FCRL5: variants seen among roughly 807,000 people sequenced by gnomAD.
FCRL5 encodes Fc receptor-like protein 5.
A neutral mutation model predicts 92.1 loss-of-function variants in FCRL5; 79 were observed. The ratio of observed to expected loss-of-function variants is 0.86; its 90% CI spans 0.72 to 1.03. The LOEUF is 1.03. FCRL5 is among the 50% of genes least tolerant of loss of function. The probability of loss-of-function intolerance (pLI) is 0.00; values close to 1 mark genes in which losing one functional copy is unlikely to be tolerated. For missense variants in FCRL5, 1,160 were observed against 1,181.1 expected (o/e 0.98, Z 0.26); for synonymous variants, 466 against 469.3 (o/e 0.99, Z 0.09).
chr1:157,543,617 G>T (rs979996581), intron 5 of FCRL5, among the ~76,000 whole-genome samples: 8 of 152,156 alleles, frequency 5.3e-5, no homozygotes, highest in African/African-American at 1.9e-4. Context: ...TGATCACATT[G>T]CCTCCTTATA....
chr1:157,529,592 C>T (rs1055324652), intron 8 of FCRL5, among the ~76,000 whole-genome samples: 9 of 57,510 alleles, frequency 1.6e-4, no homozygotes, highest in South Asian at 1.0e-3. Context: ...GTGATACATA[C>T]GCATGTGTGT....
intron 6 of FCRL5, among the ~76,000 whole-genome samples, chr1:157,541,459 A>C (rs1651257419): frequency 6.6e-6 from 1 of 152,158 alleles, no homozygotes; most frequent in Non-Finnish European, 1.5e-5. Flanking sequence ...CTTCCTCTCC[A>C]ACCTTATCCT....
intron 1 of FCRL5, 87 bp from the exon 2 acceptor site, chr1:157,549,667 AT>A: frequency 1.7e-6 from 2 of 1,193,296 alleles, no homozygotes; most frequent in South Asian, 1.4e-5. Flanking sequence ...CCATGCATGT[AT>A]TACTTGTCCC....
intron 3 of FCRL5, 46 bp from the exon 4 acceptor site, chr1:157,545,128 C>T (rs754812770): frequency 2.5e-5 from 39 of 1,556,524 alleles, no homozygotes; most frequent in Non-Finnish European, 3.3e-5. Flanking sequence ...TACTGTTTCC[C>T]CTTTCTTTTC....
intron 9 of FCRL5, among the ~76,000 whole-genome samples, chr1:157,527,218 AAG>A (rs1257292048): frequency 1.3e-5 from 2 of 152,342 alleles, no homozygotes; most frequent in African/African-American, 2.4e-5. Context: ...GTGAGCCAAT[AAG>A]AGAATTGTGT....
At chr1:157,534,969 C>G in intron 7 of FCRL5, 77 bp from the exon 8 acceptor site, 3 of 1,384,558 alleles carry the variant, frequency 2.2e-6, no homozygotes, top group Non-Finnish European at 2.9e-6. Context: ...AGTGCAGATG[C>G]CCAGTCTCCA....
intron 12 of FCRL5, 38 bp downstream of exon 12, chr1:157,520,393 G>T: frequency 7.0e-7 from 1 of 1,428,392 alleles, no homozygotes; most frequent in Non-Finnish European, 9.7e-7. Flanking sequence ...GCTGGGAAGG[G>T]CATGAACTCA....
intron 11 of FCRL5, 71 bp downstream of exon 11, chr1:157,520,946 G>A: frequency 6.6e-7 from 1 of 1,515,862 alleles, no homozygotes; most frequent in Non-Finnish European, 8.9e-7. Flanking sequence ...ATCAAGCACT[G>A]TGAGGGTTAT....
At chr1:157,519,911 T>G in intron 12 of FCRL5, 141 bp from the exon 13 acceptor site, 3 of 864,730 alleles carry the variant, frequency 3.5e-6, no homozygotes, top group Non-Finnish European at 5.6e-6. Context: ...CCCAGGGAGG[T>G]AGCAGATTGG....
chr1:157,549,545 G>A lies in FCRL5; in HGVS notation c.52+15C>T, dbSNP rs750866710. 6.2e-7 allele frequency: 1 copy of A among 1,611,070 alleles called. No individual in the cohort carries two copies. The highest frequency in any genetic ancestry group is 1.3e-5 in the African/African-American group (1 of 74,890). On this transcript the variant is annotated intron_variant, in intron 2 of 16. Coordinates refer to ENST00000361835, the MANE Select transcript of FCRL5 (RefSeq NM_031281.3). ...TAACCAGAGACGCTGAAGAGCCAAA[G>A]ACAGGAGAACTCACCAAACTGTCCA...
chr1:157,514,248 T>C lies in FCRL5; in HGVS notation c.*1427A>G, dbSNP rs1649829586. Reference sequence around the variant, plus strand: ...AGATCAAGATAAGATGTGATGGATATCATAAAAGCGGAACAGAACATCCCA... The same window carrying C: ...AGATCAAGATAAGATGTGATGGATACCATAAAAGCGGAACAGAACATCCCA... On this transcript the variant is annotated 3_prime_UTR_variant, in exon 17 of 17. Coordinates refer to ENST00000361835, the MANE Select transcript of FCRL5 (RefSeq NM_031281.3). 2 of 152,222 alleles carry C rather than the reference T, an allele frequency of 1.3e-5. No individual in the cohort carries two copies. Among genetic ancestry groups the C allele is most frequent in the Admixed American group, 1.3e-4 (2 of 15,292 alleles). 9.4% of individuals were successfully genotyped at this position (152,222 alleles called of 1,614,324 possible). A position where few individuals can be genotyped will look rare whatever the true frequency, so the allele number is the denominator to read the frequency against.
Position 157,544,258 on chromosome 1 carries a change from T to C in FCRL5, c.844+4A>G. 1 of 1,613,414 alleles carries C rather than the reference T, an allele frequency of 6.2e-7. No individual in the cohort carries two copies. The highest frequency in any genetic ancestry group is 8.5e-7 in the Non-Finnish European group (1 of 1,179,368). On this transcript the variant is annotated splice_donor_region_variant and intron_variant, in intron 5 of 16. Coordinates refer to ENST00000361835, the MANE Select transcript of FCRL5 (RefSeq NM_031281.3). ...AGCAAATCTCAGGTTCCACCAACACTTACTCTGCACCTGTATCCAGGATCT... is the reference window on the plus strand; with the variant it reads ...AGCAAATCTCAGGTTCCACCAACACCTACTCTGCACCTGTATCCAGGATCT...
intron 8 of FCRL5, chr1:157,532,000 T>G (rs1326871637): frequency 6.6e-6 from 1 of 152,206 alleles, no homozygotes; most frequent in Non-Finnish European, 1.5e-5. Context: ...AAATGATAAA[T>G]GCATGAGATG....
intron 3 of FCRL5, among the ~76,000 whole-genome samples, chr1:157,545,363 AT>A (rs1651482898): frequency 6.6e-6 from 1 of 151,912 alleles, no homozygotes. Context: ...GCTCATGCGT[AT>A]TTCTTTTATG....
At chr1:157,534,575 C>T in intron 8 of FCRL5, 39 bp downstream of exon 8, 1 of 1,613,170 alleles carries the variant, frequency 6.2e-7, no homozygotes, top group African/African-American at 1.3e-5. Flanking sequence ...AGAGAGAACT[C>T]AGCCAGGGGT....
chr1:157,544,589 A>C, intron 4 of FCRL5, 43 bp from the exon 5 acceptor site: 2 of 1,597,760 alleles, frequency 1.3e-6, no homozygotes, highest in Non-Finnish European at 1.7e-6. Flanking sequence ...ATGAGGCTGG[A>C]ACTGCTTTGG....
chr1:157,518,382 T>A, intron 15 of FCRL5, 47 bp downstream of exon 15: 2 of 1,514,064 alleles, frequency 1.3e-6, no homozygotes, highest in Non-Finnish European at 1.8e-6. Context: ...TGAGCTATAC[T>A]GTCTAAGTTG....
intron 6 of FCRL5, chr1:157,542,653 G>T: frequency 3.4e-6 from 2 of 582,408 alleles, no homozygotes; most frequent in South Asian, 6.3e-5. Flanking sequence ...GCACCATCAG[G>T]CAGGGGTATA....
intron 6 of FCRL5, 92 bp from the exon 7 acceptor site, chr1:157,539,456 T>A: frequency 1.6e-6 from 2 of 1,227,008 alleles, no homozygotes; most frequent in Non-Finnish European, 2.2e-6. Context: ...CCCAAATCAC[T>A]AAGCCAAAGG....
Sources: allele counts gnomAD v4.1 joint callset (sites outside exome capture counted in the v4.1 genomes callset), GRCh38; gene constraint gnomAD v4.1.1; transcripts MANE v1.5; gene names NCBI Gene and HGNC (gene_info 2026-07-23, HGNC 2026-07-21).